TTC13: variants seen among roughly 807,000 people sequenced by gnomAD.
TTC13 encodes the protein tetratricopeptide repeat domain 13, also known as tetratricopeptide repeat protein 13.
In TTC13, 62 loss-of-function variants were observed where a neutral mutation model predicts 120.0. The ratio of observed to expected loss-of-function variants is 0.52; its 90% CI spans 0.42 to 0.64. The LOEUF (loss-of-function observed/expected upper bound fraction) is 0.64. TTC13 is among the 30% of genes least tolerant of loss of function. The pLI is 0.00. For missense variants in TTC13, 824 were observed against 1,050.2 expected, an observed-to-expected ratio of 0.78 and a Z score of 2.98; for synonymous variants, 384 against 393.5, an observed-to-expected ratio of 0.98 and a Z score of 0.28.
chr1:230,913,026 C>G (rs1281212446), intron 18 of TTC13, among the ~76,000 whole-genome samples: 1 of 152,122 alleles, frequency 6.6e-6, no homozygotes, highest in Non-Finnish European at 1.5e-5. Context: ...ATTACACAAA[C>G]TTAAGCTAAT....
chr1:230,956,566 G>A, intron 3 of TTC13: 1 of 395,534 alleles, frequency 2.5e-6, no homozygotes. Flanking sequence ...AATATCTGTT[G>A]AATGAACAAA....
At chr1:230,974,988 T>C (rs1678129406) in intron 1 of TTC13, among the ~76,000 whole-genome samples, 1 of 152,230 alleles carries the variant, frequency 6.6e-6, no homozygotes, top group South Asian at 2.1e-4. Flanking sequence ...TTACTGAAGA[T>C]AACACACAAA....
At chr1:230,976,640 C>T (rs1678337955) in intron 1 of TTC13, among the ~76,000 whole-genome samples, 1 of 151,976 alleles carries the variant, frequency 6.6e-6, no homozygotes. Context: ...CGTTCATTTG[C>T]AACAGTAAAT....
chr1:230,917,003 T>C (rs539576693), intron 17 of TTC13, among the ~76,000 whole-genome samples: 33 of 152,130 alleles, frequency 2.2e-4, no homozygotes, highest in Admixed American at 3.9e-4. Context: ...TTTTTTTTAA[T>C]TGATGGACTG....
intron 1 of TTC13, among the ~76,000 whole-genome samples, chr1:230,969,362 G>A (rs1383469373): frequency 6.6e-6 from 1 of 152,186 alleles, no homozygotes; most frequent in East Asian, 1.9e-4. Context: ...GAGATAGTGG[G>A]AGAATCAACT....
At chr1:230,931,157 A>G in intron 11 of TTC13, 141 bp downstream of exon 11, 3 of 705,248 alleles carry the variant, frequency 4.3e-6, no homozygotes, top group Non-Finnish European at 7.0e-6. Context: ...CGACACTAGC[A>G]CTGACAAGGT....
At chr1:230,955,486 A>AC (rs547890840) in intron 3 of TTC13, among the ~76,000 whole-genome samples, 208 of 146,136 alleles carry the variant, frequency 1.4e-3, no homozygotes, top group African/African-American at 5.1e-3. Context: ...ACACGGTGAA[A>AC]CCCCGTCTCT....
At chr1:230,971,510 C>T (rs993788152) in intron 1 of TTC13, among the ~76,000 whole-genome samples, 4 of 152,072 alleles carry the variant, frequency 2.6e-5, no homozygotes, top group African/African-American at 9.7e-5. Context: ...AAATATTCAT[C>T]GGTACCTGAG....
intron 12 of TTC13, among the ~76,000 whole-genome samples, chr1:230,926,039 C>T (rs902414780): frequency 6.6e-6 from 1 of 152,100 alleles, no homozygotes; most frequent in South Asian, 2.1e-4. Flanking sequence ...AACAAGTATA[C>T]TTGGAATGAT....
Position 230,978,734 on chromosome 1 carries a change from C to CCAG in TTC13, c.94_96dup (p.Leu32dup), listed in dbSNP as rs540520221. ...GGCCGCAGCCCGGCGGACAGGACCC[C>CCAG]CAGCAGCAGCAGCAGCAGGACACGC... On this transcript the variant is annotated inframe_insertion, in exon 1 of 23. Transcript: ENST00000366661. The surrounding 1 kb of genome is among the most constrained non-coding windows in gnomAD (Gnocchi z 5.6). 1,653 of 1,465,304 alleles carry CCAG rather than the reference C, an allele frequency of 1.1e-3. 11 individuals are homozygous for CCAG. In the African/African-American group the frequency reaches 0.016, roughly 14 times the overall value. 90.8% of individuals were successfully genotyped at this position (1,465,304 alleles called of 1,614,324 possible).
chr1:230,948,360 A>G (rs1214522917), intron 4 of TTC13, among the ~76,000 whole-genome samples: 1 of 138,464 alleles, frequency 7.2e-6, no homozygotes, highest in Non-Finnish European at 1.5e-5. Context: ...TGACTTGCCA[A>G]TTAATTTCAG....
chr1:230,977,366 G>A (rs535437377), intron 1 of TTC13, among the ~76,000 whole-genome samples: 7 of 152,280 alleles, frequency 4.6e-5, no homozygotes, highest in South Asian at 4.1e-4. Flanking sequence ...TACAAAGACA[G>A]GTAATTCACT....
intron 14 of TTC13, among the ~76,000 whole-genome samples, chr1:230,924,322 C>A (rs1672852759): frequency 6.6e-6 from 1 of 152,118 alleles, no homozygotes; most frequent in Non-Finnish European, 1.5e-5. Context: ...GAAAATGTGA[C>A]AACAATCAAT....
intron 4 of TTC13, among the ~76,000 whole-genome samples, chr1:230,949,157 A>T (rs577489142): frequency 6.6e-6 from 1 of 151,954 alleles, no homozygotes; most frequent in East Asian, 2.0e-4. Context: ...GCAAGCAAAA[A>T]CCAACACAGA....
chr1:230,975,166 G>A (rs570018603), intron 1 of TTC13, among the ~76,000 whole-genome samples: 43 of 151,966 alleles, frequency 2.8e-4, no homozygotes, highest in African/African-American at 9.4e-4. Flanking sequence ...CTTGAGTCCA[G>A]GAGTTTGACC....
intron 19 of TTC13, among the ~76,000 whole-genome samples, chr1:230,912,249 A>G (rs530416037): frequency 6.6e-6 from 1 of 152,320 alleles, no homozygotes; most frequent in Admixed American, 6.5e-5. Context: ...ATCAGAATGC[A>G]TCATCCAGTT....
intron 1 of TTC13, among the ~76,000 whole-genome samples, chr1:230,974,070 C>G (rs962802097): frequency 2.0e-5 from 3 of 146,864 alleles, no homozygotes; most frequent in African/African-American, 7.6e-5. Context: ...GGGCGATACT[C>G]CATCTCAAAA....
Position 230,908,788 on chromosome 1 carries a change from C to A in TTC13, c.2392G>T (p.Val798Phe). The change falls in exon 22 of 23, where the codon GTC (valine) becomes TTC (phenylalanine). Residue 798 changes from valine to phenylalanine, a missense_variant. By Grantham distance (50) the Val-to-Phe change is conservative. Transcript: ENST00000366661. ...VAGKIPKGKL[V>F]DFEAMTAPGS... is the part of the protein sequence containing the mutation. ...GGGGCTGTCATAGCTTCAAAGTCGA[C>A]TAACTGAAAAAGAAAGACATTTAGG... 1.2e-6 allele frequency: 2 copies of A among 1,612,618 alleles called. No individual in the cohort carries two copies. The highest frequency in any genetic ancestry group is 1.7e-6 in the Non-Finnish European group (2 of 1,178,832).
intron 4 of TTC13, among the ~76,000 whole-genome samples, chr1:230,950,771 G>T (rs1675496693): frequency 6.6e-6 from 1 of 152,174 alleles, no homozygotes; most frequent in Non-Finnish European, 1.5e-5. Context: ...ATGAGCTCAA[G>T]GTCACATAAT....
Sources: allele counts gnomAD v4.1 joint callset (sites outside exome capture counted in the v4.1 genomes callset), GRCh38; gene constraint gnomAD v4.1.1; non-coding constraint Gnocchi (gnomAD v3.1); transcripts MANE v1.5; gene names NCBI Gene and HGNC (gene_info 2026-07-23, HGNC 2026-07-21).